Variants in CACNA2D1 observed in about 807,000 individuals in gnomAD.
CACNA2D1 encodes voltage-dependent calcium channel subunit alpha-2/delta-1.
In CACNA2D1, 53 loss-of-function variants were observed where a neutral mutation model predicts 171.5. The observed-to-expected ratio is 0.31, with a 90% confidence interval of 0.25 to 0.39. The LOEUF (loss-of-function observed/expected upper bound fraction) is 0.39, where lower values mean the gene tolerates loss of function less well. Ranked by LOEUF, CACNA2D1 falls within the 10% of genes least tolerant of loss-of-function variation. The probability of loss-of-function intolerance (pLI) is 1.00; values close to 1 mark genes in which losing one functional copy is unlikely to be tolerated. For missense variants in CACNA2D1, 903 were observed against 1,299.8 expected (o/e 0.69, Z 4.69); for synonymous variants, 442 against 443.1 (o/e 1.00, Z 0.03).
chr7:82,053,245 C>T (rs1403837996), intron 10 of CACNA2D1, among the ~76,000 whole-genome samples: 1 of 85,202 alleles, frequency 1.2e-5, no homozygotes, highest in African/African-American at 3.9e-5. Context: ...GAGCGAGACT[C>T]CGTCTCAAAA....
intron 3 of CACNA2D1, among the ~76,000 whole-genome samples, chr7:82,185,530 GA>G (rs1797634155): frequency 2.6e-5 from 1 of 38,844 alleles, no homozygotes; most frequent in African/African-American, 9.0e-5. Context: ...GGAGGAGGAG[GA>G]GGGGGAGGAA....
At chr7:82,226,076 C>T (rs1802331005) in intron 3 of CACNA2D1, among the ~76,000 whole-genome samples, 1 of 151,924 alleles carries the variant, frequency 6.6e-6, no homozygotes, top group African/African-American at 2.4e-5. Context: ...AACAAATGTC[C>T]TAGGTAGTTG....
chr7:82,147,219 C>T (rs1793248942), intron 4 of CACNA2D1, among the ~76,000 whole-genome samples: 1 of 151,832 alleles, frequency 6.6e-6, no homozygotes, highest in South Asian at 2.1e-4. Context: ...TCTTGAACTT[C>T]AAAGGAGATC....
intron 4 of CACNA2D1, among the ~76,000 whole-genome samples, chr7:82,153,803 T>C (rs1351542716): frequency 6.6e-6 from 1 of 151,902 alleles, no homozygotes; most frequent in Non-Finnish European, 1.5e-5. Context: ...TTACCAAGCA[T>C]CATTGTTCTA....
intron 1 of CACNA2D1, among the ~76,000 whole-genome samples, chr7:82,386,271 C>T (rs1204122243): frequency 1.3e-5 from 2 of 152,172 alleles, no homozygotes; most frequent in African/African-American, 2.4e-5. Flanking sequence ...TCAACTCTTA[C>T]TTTGAGCTGC....
chr7:82,394,952 C>A (rs1011706183), intron 1 of CACNA2D1, among the ~76,000 whole-genome samples: 1 of 152,068 alleles, frequency 6.6e-6, no homozygotes, highest in Non-Finnish European at 1.5e-5. Flanking sequence ...TTTTATACTT[C>A]TTTTACCATC....
intron 12 of CACNA2D1, among the ~76,000 whole-genome samples, chr7:82,016,411 C>T (rs1800453656): frequency 6.6e-6 from 1 of 151,986 alleles, no homozygotes; most frequent in South Asian, 2.1e-4. Flanking sequence ...GTTCCTGTTA[C>T]CACAACAATC....
At chr7:82,185,043 T>C (rs1797520244) in intron 3 of CACNA2D1, among the ~76,000 whole-genome samples, 1 of 152,186 alleles carries the variant, frequency 6.6e-6, no homozygotes, top group Non-Finnish European at 1.5e-5. Context: ...TCCAGAGTCC[T>C]TGTCTCTACC....
chr7:82,423,053 T>C (rs1434472000), intron 1 of CACNA2D1, among the ~76,000 whole-genome samples: 3 of 152,118 alleles, frequency 2.0e-5, no homozygotes, highest in African/African-American at 7.2e-5. Context: ...TTTAATTGCC[T>C]TTTGCAAGAA....
chr7:81,994,448 T>C (rs571103585), intron 20 of CACNA2D1, among the ~76,000 whole-genome samples: 27 of 152,152 alleles, frequency 1.8e-4, no homozygotes, highest in Admixed American at 1.5e-3. Flanking sequence ...ATAATTAATA[T>C]GTGGAACTCA....
At position 82,313,532 on chromosome 7, in the gene CACNA2D1, G is replaced by A. The variant is rs115573168; in HGVS notation, c.294+21603C>T. Among the ~76,000 whole-genome samples, 1,194 of 152,196 alleles carry A rather than the reference G, an allele frequency of 7.8e-3. 14 individuals are homozygous for A. The highest frequency in any genetic ancestry group is 0.027 in the African/African-American group (1,123 of 41,534). Reference sequence around the variant, plus strand: ...ATCAGTGAAGTTTCATCTGCCTAATGAGACCACCTTTGTCCCATGCCTTCC... The same window carrying A: ...ATCAGTGAAGTTTCATCTGCCTAATAAGACCACCTTTGTCCCATGCCTTCC... On this transcript the variant is annotated intron_variant, in intron 3 of 38. Transcript: ENST00000356860.
At chr7:82,274,719 C>T (rs1355969927) in intron 3 of CACNA2D1, among the ~76,000 whole-genome samples, 4 of 152,182 alleles carry the variant, frequency 2.6e-5, no homozygotes, top group Admixed American at 2.6e-4. Flanking sequence ...ATACAATACA[C>T]TTCCACACTC....
At position 82,335,198 on chromosome 7, in the gene CACNA2D1, C is replaced by A. The variant is rs770723145; in HGVS notation, c.231G>T (p.Gln77His). Reference protein sequence around the residue: ...LYTVEPNNARQLVEIAARDIE... With the variant: ...LYTVEPNNARHLVEIAARDIE... ...TATCCCTGGCTGCAATTTCTACCAG[C>A]TGGCGTGCATTATTTGGTTCCACAG... Residue 77 changes from glutamine to histidine, a missense_variant, in exon 3 of 39, where the codon CAG becomes CAT. Coordinates refer to ENST00000356860, the MANE Select transcript of CACNA2D1 (RefSeq NM_000722.4). 7 of 1,613,294 alleles carry A rather than the reference C, an allele frequency of 4.3e-6. No homozygotes were observed. Among genetic ancestry groups the A allele is most frequent in the South Asian group, 2.2e-5 (2 of 91,070 alleles).
At chr7:82,432,631 C>T (rs1829786309) in intron 1 of CACNA2D1, among the ~76,000 whole-genome samples, 1 of 152,178 alleles carries the variant, frequency 6.6e-6, no homozygotes. Flanking sequence ...GAGCCCTCGC[C>T]CAAATTCCAG....
At chr7:82,273,338 G>T in intron 3 of CACNA2D1, among the ~76,000 whole-genome samples, 1 of 151,838 alleles carries the variant, frequency 6.6e-6, no homozygotes, top group Non-Finnish European at 1.5e-5. Context: ...ATGTTTACAG[G>T]ATTGATATTT....
At chr7:82,170,654 T>C (rs754052965) in intron 3 of CACNA2D1, 45 bp from the exon 4 acceptor site, 7 of 1,537,498 alleles carry the variant, frequency 4.6e-6, no homozygotes, top group South Asian at 2.2e-5. Flanking sequence ...GAACACGTAA[T>C]ATGGAATTGT....
intron 6 of CACNA2D1, among the ~76,000 whole-genome samples, chr7:82,089,991 G>A (rs1237969917): frequency 1.3e-5 from 2 of 152,138 alleles, no homozygotes; most frequent in African/African-American, 4.8e-5. Flanking sequence ...TAACAGCTTT[G>A]AGATGTCATT....
At chr7:82,174,004 C>T (rs1435571592) in intron 3 of CACNA2D1, among the ~76,000 whole-genome samples, 2 of 137,904 alleles carry the variant, frequency 1.5e-5, no homozygotes, top group Non-Finnish European at 3.0e-5. Context: ...GATGGTACCA[C>T]TGCACTGCAG....
intron 3 of CACNA2D1, among the ~76,000 whole-genome samples, chr7:82,326,093 T>C (rs2129442091): frequency 6.6e-6 from 1 of 152,110 alleles, no homozygotes; most frequent in East Asian, 1.9e-4. Context: ...CTGGGAGAGG[T>C]TCCGGTCACC....
Sources: allele counts gnomAD v4.1 joint callset (sites outside exome capture counted in the v4.1 genomes callset), GRCh38; gene constraint gnomAD v4.1.1; transcripts MANE v1.5; gene names NCBI Gene and HGNC (gene_info 2026-07-23, HGNC 2026-07-21).